FANK1: variants seen among roughly 807,000 people sequenced by gnomAD.
FANK1 encodes fibronectin type 3 and ankyrin repeat domains protein 1.
A neutral mutation model predicts 45.3 loss-of-function variants in FANK1; 44 were observed. The observed-to-expected ratio is 0.97, with a 90% CI of 0.76 to 1.25. FANK1 has a LOEUF of 1.25. Among genes scored for constraint, FANK1 ranks in the 50% most tolerant of loss-of-function variants. FANK1 has a pLI of 0.00. For missense variants in FANK1, 391 were observed against 424.4 expected, an observed-to-expected ratio of 0.92 and a Z score of 0.69; for synonymous variants, 149 against 152.5, an observed-to-expected ratio of 0.98 and a Z score of 0.17.
chr10:125,981,582 C>T (rs1048117787), intron 2 of FANK1, among the ~76,000 whole-genome samples: 1 of 151,782 alleles, frequency 6.6e-6, no homozygotes, highest in Non-Finnish European at 1.5e-5. Flanking sequence ...AGATTTACCA[C>T]TTGAAAAATG....
intron 1 of FANK1, among the ~76,000 whole-genome samples, chr10:125,971,836 A>C (rs534028936): frequency 2.6e-5 from 4 of 151,996 alleles, no homozygotes; most frequent in Non-Finnish European, 5.9e-5. Context: ...GTTAGCCAGG[A>C]TGGTCTCGAT....
At chr10:125,946,504 A>G (rs1362742661) in intron 1 of FANK1, among the ~76,000 whole-genome samples, 2 of 152,178 alleles carry the variant, frequency 1.3e-5, no homozygotes, top group Non-Finnish European at 2.9e-5. Context: ...AAGAAAGGGT[A>G]TCAGCAATGG....
intron 1 of FANK1, among the ~76,000 whole-genome samples, chr10:125,912,672 C>T (rs111607552): frequency 6.6e-6 from 1 of 152,158 alleles, no homozygotes; most frequent in African/African-American, 2.4e-5. Flanking sequence ...CTTGCTTGCT[C>T]TGTTGTCCGG....
In FANK1 at chr10:125,997,420, G is replaced by T. The variant is rs766493086; in HGVS notation, c.474G>T (p.Arg158Ser). 1.2e-6 allele frequency: 2 copies of T among 1,613,580 alleles called. No homozygotes were observed. The highest frequency in any genetic ancestry group is 1.3e-5 in the African/African-American group (1 of 74,912). ...LMVAAQKGYTRLVKILVSNGT... is the reference protein window; with the variant it reads ...LMVAAQKGYTSLVKILVSNGT... ...CTACACTTAAGTTTGTTTCCTTTAG[G>T]CTTGTGAAAATCCTAGTTTCTAATG... The change falls in exon 6 of 11, where the codon AGG becomes AGT. Residue 158 changes from arginine to serine, a missense_variant and splice_region_variant. Physicochemically the swap from Arg to Ser is moderately radical, Grantham distance 110. Coordinates refer to ENST00000368693, the MANE Select transcript of FANK1 (RefSeq NM_145235.5).
chr10:125,938,655 A>G (rs966039947), intron 1 of FANK1, among the ~76,000 whole-genome samples: 13 of 152,146 alleles, frequency 8.5e-5, no homozygotes, highest in Admixed American at 3.3e-4. Context: ...CTAAAAATAC[A>G]AAAATTAGCC....
chr10:125,960,774 A>T (rs1464502294), intron 1 of FANK1, among the ~76,000 whole-genome samples: 15 of 152,208 alleles, frequency 9.9e-5, no homozygotes, highest in Admixed American at 8.5e-4. Context: ...TGACCTTGTT[A>T]TCTGCCCGCC....
intron 1 of FANK1, among the ~76,000 whole-genome samples, chr10:125,938,181 G>A (rs900848510): frequency 1.3e-5 from 2 of 152,140 alleles, no homozygotes; most frequent in Non-Finnish European, 2.9e-5. Context: ...CTATATCGAT[G>A]CTTTTGGAAA....
chr10:125,945,293 T>G (rs565505648), intron 1 of FANK1, among the ~76,000 whole-genome samples: 1 of 152,218 alleles, frequency 6.6e-6, no homozygotes, highest in South Asian at 2.1e-4. Context: ...GCTCCCAGTG[T>G]GAGCGACGCA....
At chr10:126,008,036 T>C (rs1169527697) in intron 7 of FANK1, among the ~76,000 whole-genome samples, 5 of 152,214 alleles carry the variant, frequency 3.3e-5, no homozygotes, top group Non-Finnish European at 7.3e-5. Context: ...ATATTATTAC[T>C]GTCTTGTTCC....
intron 1 of FANK1, among the ~76,000 whole-genome samples, chr10:125,945,259 G>A (rs763067395): frequency 1.4e-4 from 22 of 152,208 alleles, no homozygotes; most frequent in African/African-American, 2.9e-4. Context: ...CAAGATGGCC[G>A]AATAGGAACA....
intron 1 of FANK1, among the ~76,000 whole-genome samples, chr10:125,921,090 C>T (rs1291494759): frequency 1.3e-5 from 2 of 152,150 alleles, no homozygotes; most frequent in Non-Finnish European, 2.9e-5. Context: ...ATTGATAGGT[C>T]ATTTTTGGGA....
At chr10:125,956,198 T>TC (rs1212889765) in intron 1 of FANK1, among the ~76,000 whole-genome samples, 1 of 79,782 alleles carries the variant, frequency 1.3e-5, no homozygotes, top group Admixed American at 1.3e-4. Flanking sequence ...TATGATACAT[T>TC]TTTTGGGGGG....
intron 1 of FANK1, chr10:125,973,561 G>T (rs1453038441): frequency 1.4e-6 from 1 of 725,416 alleles, no homozygotes; most frequent in Non-Finnish European, 1.7e-6. Flanking sequence ...CCCTGAAATT[G>T]GTTTCTCTAA....
intron 1 of FANK1, among the ~76,000 whole-genome samples, chr10:125,921,376 A>G (rs545190266): frequency 1.3e-5 from 2 of 152,266 alleles, no homozygotes; most frequent in Admixed American, 1.3e-4. Context: ...TTATTGCCAA[A>G]TAGTAATCCA....
intron 6 of FANK1, among the ~76,000 whole-genome samples, chr10:126,003,547 T>G (rs1196802297): frequency 6.6e-6 from 1 of 152,232 alleles, no homozygotes; most frequent in East Asian, 1.9e-4. Flanking sequence ...TCATTATTTT[T>G]TTTAGAATGA....
intron 7 of FANK1, among the ~76,000 whole-genome samples, chr10:126,006,131 G>A (rs548844670): frequency 6.6e-6 from 1 of 152,328 alleles, no homozygotes; most frequent in African/African-American, 2.4e-5. Flanking sequence ...CTGCCAGATG[G>A]TGTGTAGAGT....
intron 1 of FANK1, among the ~76,000 whole-genome samples, chr10:125,932,520 A>G (rs1408380706): frequency 6.6e-6 from 1 of 152,178 alleles, no homozygotes; most frequent in African/African-American, 2.4e-5. Flanking sequence ...GTTGGTGTAT[A>G]GAAGAGCTAC....
In FANK1 at chr10:125,944,136, T is replaced by C. The variant is rs186027587; in HGVS notation, c.14-36025T>C. 3.3e-5 allele frequency among the ~76,000 whole-genome samples: 5 copies of C among 152,376 alleles called. No homozygotes were observed. In the East Asian group the frequency reaches 9.6e-4, roughly 29 times the overall value. On this transcript the variant is annotated intron_variant, in intron 1 of 10. Coordinates refer to ENST00000368693, the MANE Select transcript of FANK1 (RefSeq NM_145235.5). The stretch of plus-strand genomic sequence containing the variant: ...TTGACAGTTAAAAGTTGGTTTGCTG[T>C]AGAACATGATTTTTCTGTTTTAGAG...
At chr10:125,994,143 T>G (rs10901500) in intron 3 of FANK1, among the ~76,000 whole-genome samples, 1 of 134,674 alleles carries the variant, frequency 7.4e-6, no homozygotes, top group Non-Finnish European at 1.6e-5. Flanking sequence ...CCCCAGGAGG[T>G]GGCGTAGGGT....
Sources: allele counts gnomAD v4.1 joint callset (sites outside exome capture counted in the v4.1 genomes callset), GRCh38; gene constraint gnomAD v4.1.1; transcripts MANE v1.5; gene names NCBI Gene and HGNC (gene_info 2026-07-23, HGNC 2026-07-21).